Variants in MYO5B observed in about 807,000 individuals in gnomAD.
MYO5B encodes the protein myosin VB.
In MYO5B, 143 loss-of-function variants were observed where a neutral mutation model predicts 229.3. That is an observed-to-expected ratio of 0.62 (90% CI 0.54 to 0.72). MYO5B has a LOEUF of 0.72. Among genes scored for constraint, MYO5B ranks in the 30% least tolerant of loss-of-function variants. The pLI, the probability that MYO5B is intolerant of heterozygous loss-of-function variation, is 0.00. For missense variants in MYO5B, 2,321 were observed against 2,331.0 expected, an observed-to-expected ratio of 1.00 and a Z score of 0.09; for synonymous variants, 918 against 885.2, an observed-to-expected ratio of 1.04 and a Z score of -0.66.
chr18:50,169,654 T>C (rs1219747233), intron 1 of MYO5B, among the ~76,000 whole-genome samples: 1 of 127,916 alleles, frequency 7.8e-6, no homozygotes, highest in Non-Finnish European at 1.7e-5. Flanking sequence ...GTGGGTGTGA[T>C]GTATAACCCT....
rs200181910 is a variant in MYO5B at position 49,863,279 on chromosome 18, C to A, written c.3892G>T (p.Val1298Phe). 5.3e-5 allele frequency: 86 copies of A among 1,613,790 alleles called. 1 individual carries two copies. In the East Asian group the frequency reaches 1.9e-3, roughly 36 times the overall value. Residue 1298 changes from valine to phenylalanine, a missense_variant, in exon 29 of 40, where the codon GTT becomes TTT. Physicochemically the swap from Val to Phe is conservative, Grantham distance 50. This residue lies in a region of MYO5B where 2,113 missense variants were observed against 2,044.7 expected (regional missense o/e 1.03). Transcript: ENST00000285039. ...GCCTCAATGGCATCCTCCTGGTCAA[C>A]ATGCTTTTCACTGTTAGGCCAACTT... ...RSSWPNSEKHVDQEDAIEAYH... is the reference protein window; with the variant it reads ...RSSWPNSEKHFDQEDAIEAYH...
At chr18:50,090,790 G>C (rs897507964) in intron 1 of MYO5B, among the ~76,000 whole-genome samples, 1 of 152,068 alleles carries the variant, frequency 6.6e-6, no homozygotes, top group South Asian at 2.1e-4. Flanking sequence ...CATCCAGAAA[G>C]AGCCTCATTG....
Position 49,826,089 on chromosome 18 carries a change from G to A in MYO5B, c.*382C>T, listed in dbSNP as rs368154253. 45 of 249,144 alleles carry A rather than the reference G, an allele frequency of 1.8e-4. 1 individual carries two copies. The East Asian group carries it at 3.3e-3, about 18-fold the overall frequency. The allele number at this position is 249,144 out of a possible 1,614,324, so 15.4% of individuals were successfully genotyped here. ...TTAAAGCCCTTTGAAGGCAATTTAT[G>A]TGACTTATATATATTTGGTATTTTA... On this transcript the variant is annotated 3_prime_UTR_variant, in exon 40 of 40. Transcript: ENST00000285039.
intron 17 of MYO5B, among the ~76,000 whole-genome samples, chr18:49,927,546 C>T (rs980564609): frequency 3.9e-5 from 6 of 152,144 alleles, no homozygotes; most frequent in African/African-American, 1.2e-4. Context: ...GGTATAAAAA[C>T]GGGTGTATAG....
At chr18:49,904,573 G>C (rs563999913) in intron 20 of MYO5B, 99 bp downstream of exon 20, 11 of 1,472,804 alleles carry the variant, frequency 7.5e-6, no homozygotes, top group Non-Finnish European at 9.5e-6. Context: ...TTAGAAAAAA[G>C]TTGGGAGTGC....
At chr18:49,962,134 C>G in intron 12 of MYO5B, 132 bp downstream of exon 12, 1 of 1,174,540 alleles carries the variant, frequency 8.5e-7, no homozygotes, top group African/African-American at 1.5e-5. Context: ...TAGTATGCAG[C>G]CTGCCAACGC....
chr18:49,891,028 T>C (rs1598860728), intron 22 of MYO5B, among the ~76,000 whole-genome samples: 1 of 152,156 alleles, frequency 6.6e-6, no homozygotes, highest in Non-Finnish European at 1.5e-5. Context: ...GAGTTGCTCA[T>C]CTCTCTGGAG....
At chr18:49,855,520 C>G (rs1050981669) in intron 30 of MYO5B, among the ~76,000 whole-genome samples, 3 of 152,232 alleles carry the variant, frequency 2.0e-5, no homozygotes, top group Admixed American at 6.5e-5. Flanking sequence ...AAACAAACTA[C>G]TTGGTGGGAC....
chr18:49,947,206 C>T (rs1386288307), intron 14 of MYO5B, among the ~76,000 whole-genome samples: 3 of 149,304 alleles, frequency 2.0e-5, no homozygotes, highest in Admixed American at 6.8e-5. Flanking sequence ...CCCGGGTTCA[C>T]GCCATTCTCC....
chr18:49,874,612 G>A (rs1261966296), intron 26 of MYO5B, among the ~76,000 whole-genome samples: 6 of 152,200 alleles, frequency 3.9e-5, no homozygotes, highest in African/African-American at 1.4e-4. Context: ...ACAATTGATT[G>A]CAAAGGGAAT....
chr18:49,886,468 T>C (rs1379329748), intron 22 of MYO5B, among the ~76,000 whole-genome samples: 3 of 152,028 alleles, frequency 2.0e-5, no homozygotes, highest in Non-Finnish European at 4.4e-5. Flanking sequence ...CCAGCAGAAC[T>C]CCTCACCCCA....
chr18:49,968,124 A>T (rs56948609), intron 10 of MYO5B, among the ~76,000 whole-genome samples: 1,701 of 152,276 alleles, frequency 0.011, 29 homozygotes, highest in African/African-American at 0.039. Context: ...TACTGGGCAG[A>T]TGACAGGAAA....
intron 29 of MYO5B, among the ~76,000 whole-genome samples, chr18:49,861,439 T>G (rs1275954399): frequency 6.6e-6 from 1 of 152,146 alleles, no homozygotes; most frequent in Non-Finnish European, 1.5e-5. Context: ...CCCTTCTACT[T>G]TAGTATCACC....
intron 14 of MYO5B, among the ~76,000 whole-genome samples, chr18:49,948,731 A>G (rs925308084): frequency 3.9e-5 from 6 of 152,188 alleles, no homozygotes; most frequent in Admixed American, 6.5e-5. Context: ...GGACATGTGT[A>G]CTTGTCATTC....
intron 1 of MYO5B, among the ~76,000 whole-genome samples, chr18:50,118,956 G>A (rs1308196555): frequency 6.6e-6 from 1 of 151,890 alleles, no homozygotes; most frequent in East Asian, 1.9e-4. Context: ...GAAAACCTGA[G>A]TCAACTATCA....
chr18:49,948,126 C>T (rs926456940), intron 14 of MYO5B, among the ~76,000 whole-genome samples: 1 of 152,198 alleles, frequency 6.6e-6, no homozygotes, highest in Non-Finnish European at 1.5e-5. Context: ...CACACCTACT[C>T]ATTTGTGTTT....
At chr18:50,160,303 T>C (rs1271392805) in intron 1 of MYO5B, among the ~76,000 whole-genome samples, 1 of 152,196 alleles carries the variant, frequency 6.6e-6, no homozygotes, top group African/African-American at 2.4e-5. Flanking sequence ...GAGCAGACTC[T>C]CTAAGGTCAG....
intron 17 of MYO5B, among the ~76,000 whole-genome samples, chr18:49,914,940 G>A (rs1472638849): frequency 1.3e-5 from 2 of 152,078 alleles, no homozygotes; most frequent in African/African-American, 4.8e-5. Context: ...GCGGCCCTTG[G>A]GTTCCTAGGA....
intron 3 of MYO5B, among the ~76,000 whole-genome samples, chr18:50,038,094 T>C (rs568759503): frequency 1.3e-5 from 2 of 152,328 alleles, no homozygotes; most frequent in African/African-American, 4.8e-5. Flanking sequence ...TTATGGATGA[T>C]GTGAGGCAGG....
Sources: gnomAD v4.1 joint callset for allele counts (sites outside exome capture counted in the v4.1 genomes callset) on GRCh38, gnomAD v4.1.1 for gene constraint, gnomAD v4.1.1 regional missense constraint, MANE v1.5 for transcripts, NCBI Gene and HGNC (gene_info 2026-07-23, HGNC 2026-07-21) for gene names.